COL6A2: variants seen among roughly 807,000 people sequenced by gnomAD.
COL6A2 encodes the protein collagen alpha-2(VI) chain.
COL6A2 carries 90 observed loss-of-function variants against 124.9 expected under a neutral mutation model. The observed-to-expected ratio is 0.72, with a 90% CI of 0.61 to 0.86. The LOEUF (loss-of-function observed/expected upper bound fraction) is 0.86. Ranked by LOEUF, COL6A2 falls within the 40% of genes least tolerant of loss-of-function variation. COL6A2 has a pLI of 0.00. For missense variants in COL6A2, 1,607 were observed against 1,502.5 expected (o/e 1.07, Z -1.15); for synonymous variants, 793 against 618.2 (o/e 1.28, Z -4.19).
Position 46,132,180 on chromosome 21 carries a change from C to T in COL6A2, c.2688C>T (p.His896=). The T allele has an allele frequency of 6.4e-7, 1 of 1,573,628 alleles. No homozygotes were observed. The highest frequency in any genetic ancestry group is 8.6e-7 in the Non-Finnish European group (1 of 1,160,770). ...AGCAGGTGGCCTTCCCGCTGAGCCACAACCTCACGGCCATCCACGAGGCGC... is the reference window on the plus strand; with the variant it reads ...AGCAGGTGGCCTTCCCGCTGAGCCATAACCTCACGGCCATCCACGAGGCGC... ...GEQQVAFPLS[H]NLTAIHEALE... The change falls in exon 28 of 28, where the codon CAC becomes CAT. Residue 896 remains histidine, a synonymous_variant. Coordinates refer to ENST00000300527, the MANE Select transcript of COL6A2 (RefSeq NM_001849.4).
In COL6A2 at chr21:46,132,231, CT is replaced by C. The variant is rs770706245; in HGVS notation, c.2741del (p.Phe914SerfsTer126). 6.3e-7 allele frequency: 1 copy of C among 1,599,016 alleles called. No individual in the cohort carries two copies. The highest frequency in any genetic ancestry group is 8.5e-7 in the Non-Finnish European group (1 of 1,174,310). On this transcript the variant is annotated frameshift_variant, in exon 28 of 28. Coordinates refer to ENST00000300527, the MANE Select transcript of COL6A2 (RefSeq NM_001849.4). LOFTEE classifies it high-confidence loss of function. ...TGGAGACCACACAATACCTGAACTC[CT>C]TCTCGCACGTGGGCGCAGGCGTGGT... ...ALETTQYLNSFSHVGAGVVHA... is the reference protein window; with the variant it reads ...ALETTQYLNSXSHVGAGVVHA...
rs538537601 is a variant in COL6A2 at position 46,132,657 on chromosome 21, C to T, written c.*105C>T. On this transcript the variant is annotated 3_prime_UTR_variant, in exon 28 of 28. Coordinates refer to ENST00000300527, the MANE Select transcript of COL6A2 (RefSeq NM_001849.4). Reference sequence around the variant, plus strand: ...CCAGCACCGCTGCTCACTCGGACGACGCCCTGGGCCTGCACCTCTCCAGCT... The same window carrying T: ...CCAGCACCGCTGCTCACTCGGACGATGCCCTGGGCCTGCACCTCTCCAGCT... 1.8e-4 allele frequency: 212 copies of T among 1,169,930 alleles called. No homozygotes were observed. In the South Asian group the frequency reaches 1.9e-3, roughly 10 times the overall value. 72.5% of individuals were successfully genotyped at this position (1,169,930 alleles called of 1,614,324 possible). A position where few individuals can be genotyped will look rare whatever the true frequency, so the allele number is the denominator to read the frequency against.
chr21:46,129,065 C>G, intron 27 of COL6A2: 1 of 1,599,862 alleles, frequency 6.3e-7, no homozygotes, highest in Admixed American at 1.7e-5. Flanking sequence ...GCTCCACCTG[C>G]ATTTCCTCTA....
At chr21:46,129,823 T>C (rs2078737328) in intron 27 of COL6A2, 2 of 1,120,314 alleles carry the variant, frequency 1.8e-6, no homozygotes, top group Admixed American at 9.1e-5. Context: ...GAGTCCTTCT[T>C]TGCTGCATCA....
intron 5 of COL6A2, among the ~76,000 whole-genome samples, chr21:46,115,399 T>C (rs534221285): frequency 3.3e-4 from 51 of 152,380 alleles, no homozygotes; most frequent in African/African-American, 1.2e-3. Context: ...ATTTATTTAA[T>C]AAAGTTCTGT....
At chr21:46,131,658 G>A (rs1330711495) in intron 27 of COL6A2, among the ~76,000 whole-genome samples, 1 of 152,186 alleles carries the variant, frequency 6.6e-6, no homozygotes, top group Non-Finnish European at 1.5e-5. Context: ...TCCCTCCCAG[G>A]AGGGCAGCCT....
rs147670858 is a variant in COL6A2, at chr21:46,132,347, C to A, written c.2855C>A (p.Thr952Lys). 1.2e-6 allele frequency: 2 copies of A among 1,608,314 alleles called. No homozygotes were observed. Among genetic ancestry groups the A allele is most frequent in the African/African-American group, 2.7e-5 (2 of 74,922 alleles). ...TTCGTGTTCCTCACGGACGGCGTCA[C>A]GGGCAACGACAGTCTGCACGAGTCG... ...LSFVFLTDGV[T>K]GNDSLHESAH... The change falls in exon 28 of 28, where the codon ACG (threonine) becomes AAG (lysine). Residue 952 changes from threonine (T) to lysine (K), a missense_variant. Physicochemically the swap from Thr to Lys is moderately conservative, Grantham distance 78 (BLOSUM62 -1). Coordinates refer to ENST00000300527, the MANE Select transcript of COL6A2 (RefSeq NM_001849.4).
chr21:46,121,594 A>T lies in COL6A2; in HGVS notation c.1497A>T (p.Gly499=). The part of the protein sequence containing the change: ...RGDPGDAGPR[G]DSGQPGPKGD... ...ACCCCGGTGATGCAGGACCCCGTGG[A>T]GACTCAGGACAGCCAGGCCCCAAGG... Residue 499 remains glycine, a synonymous_variant, in exon 18 of 28, where the codon GGA becomes GGT. Transcript: ENST00000300527. 6.2e-7 allele frequency: 1 copy of T among 1,612,736 alleles called. No individual in the cohort carries two copies. Among genetic ancestry groups the T allele is most frequent in the Non-Finnish European group, 8.5e-7 (1 of 1,179,928 alleles).
chr21:46,113,965 T>C (rs778626392), intron 4 of COL6A2, 43 bp from the exon 5 acceptor site: 4 of 1,551,686 alleles, frequency 2.6e-6, no homozygotes, highest in East Asian at 2.2e-5. Flanking sequence ...ACCTGAGGAA[T>C]GTCCCACCCA....
chr21:46,113,290 C>G (rs777021568), intron 4 of COL6A2, among the ~76,000 whole-genome samples: 1 of 152,198 alleles, frequency 6.6e-6, no homozygotes, highest in Admixed American at 6.5e-5. Flanking sequence ...AATCGCTGCT[C>G]AGTAACAGTG....
chr21:46,108,568 G>C (rs1464270234), intron 1 of COL6A2, among the ~76,000 whole-genome samples: 2 of 152,060 alleles, frequency 1.3e-5, no homozygotes. Context: ...TTTCTTACTA[G>C]GTTTTACCTT....
rs553989736 is a variant in COL6A2, at chr21:46,116,467, C to A, written c.927+64C>A. The A allele has an allele frequency of 4.4e-6, 7 of 1,601,548 alleles. No individual in the cohort carries two copies. Among genetic ancestry groups the A allele is most frequent in the African/African-American group, 4.0e-5 (3 of 74,696 alleles). On this transcript the variant is annotated intron_variant, in intron 8 of 27. Coordinates refer to ENST00000300527, the MANE Select transcript of COL6A2 (RefSeq NM_001849.4). This position sits in a 1 kb window ranked among gnomAD's most constrained non-coding sequence, Gnocchi z 4.6. Reference sequence around the variant, plus strand: ...GCCTCGGCCCAGACCCACCTCTTGGCGTCCGCCGCAGCCTGTCACTGCTCC... The same window carrying A: ...GCCTCGGCCCAGACCCACCTCTTGGAGTCCGCCGCAGCCTGTCACTGCTCC...
chr21:46,126,045 T>C lies in COL6A2; in HGVS notation c.2230T>C (p.Leu744=), dbSNP rs962884368. ...CGACCCTCGGGACGATGACCTCAACTTGCGGGCGCTGTGCGACCGCGACGT... is the reference window on the plus strand; with the variant it reads ...CGACCCTCGGGACGATGACCTCAACCTGCGGGCGCTGTGCGACCGCGACGT... ...RHDPRDDDLN[L]RALCDRDVTV... The change falls in exon 26 of 28, where the codon TTG becomes CTG. Residue 744 remains leucine (L), a synonymous_variant. Transcript: ENST00000300527. 6.2e-7 allele frequency: 1 copy of C among 1,613,038 alleles called. No individual in the cohort carries two copies. The highest frequency in any genetic ancestry group is 8.5e-7 in the Non-Finnish European group (1 of 1,179,978).
At chr21:46,104,209 G>T (rs2078314940) in intron 1 of COL6A2, among the ~76,000 whole-genome samples, 1 of 152,050 alleles carries the variant, frequency 6.6e-6, no homozygotes, top group South Asian at 2.1e-4. Context: ...AAAAAGACTT[G>T]GTGGTAGATC....
At chr21:46,127,442 C>T (rs2078689800) in intron 27 of COL6A2, among the ~76,000 whole-genome samples, 4 of 152,130 alleles carry the variant, frequency 2.6e-5, no homozygotes, top group Admixed American at 2.0e-4. Flanking sequence ...GCCGAGGTTC[C>T]CCATACGTGC....
At chr21:46,128,174 A>AGC (rs1204577255) in intron 27 of COL6A2, among the ~76,000 whole-genome samples, 5 of 152,132 alleles carry the variant, frequency 3.3e-5, no homozygotes, top group African/African-American at 1.2e-4. Context: ...AGGCCACCAG[A>AGC]GCACCACAGG....
At position 46,132,789 on chromosome 21, in the gene COL6A2, T is replaced by C; in HGVS notation, c.*237T>C. On this transcript the variant is annotated 3_prime_UTR_variant, in exon 28 of 28. Coordinates refer to ENST00000300527, the MANE Select transcript of COL6A2 (RefSeq NM_001849.4). ...CCCCCTGCAGCCATCCCAAGGCTCC[T>C]GACCTACCTGGCCCCTGAGCTCTGG... is the stretch of plus-strand genomic sequence containing the variant. The C allele has an allele frequency of 5.2e-6, 3 of 582,434 alleles. No homozygotes were observed. Among genetic ancestry groups the C allele is most frequent in the Non-Finnish European group, 9.2e-6 (3 of 326,120 alleles). 36.1% of individuals were successfully genotyped at this position (582,434 alleles called of 1,614,324 possible).
chr21:46,121,465 G>C, intron 17 of COL6A2, 91 bp from the exon 18 acceptor site: 5 of 1,266,636 alleles, frequency 3.9e-6, no homozygotes, highest in Non-Finnish European at 5.7e-6. Context: ...ATGTGGCCTG[G>C]TGGTCAGGGC....
intron 1 of COL6A2, chr21:46,099,187 C>T (rs1276628357): frequency 6.5e-6 from 1 of 152,744 alleles, no homozygotes; most frequent in Non-Finnish European, 1.5e-5. Flanking sequence ...CACGGTGGCT[C>T]ACGCCTGTAA....
Sources: allele counts gnomAD v4.1 joint callset (sites outside exome capture counted in the v4.1 genomes callset), GRCh38; gene constraint gnomAD v4.1.1; non-coding constraint Gnocchi (gnomAD v3.1); transcripts MANE v1.5; gene names NCBI Gene and HGNC (gene_info 2026-07-23, HGNC 2026-07-21).